Variants in CNEP1R1 observed in about 807,000 individuals in gnomAD.
CNEP1R1 encodes nuclear envelope phosphatase-regulatory subunit 1.
A neutral mutation model predicts 22.7 loss-of-function variants in CNEP1R1; 10 were observed. The ratio of observed to expected loss-of-function variants is 0.44; its 90% confidence interval spans 0.27 to 0.75. CNEP1R1 has a LOEUF of 0.75. Ranked by LOEUF, CNEP1R1 falls within the 30% of genes least tolerant of loss-of-function variation. CNEP1R1 has a pLI of 0.17. For synonymous variants in CNEP1R1, 53 were observed against 50.1 expected (o/e 1.06, Z -0.25); for missense variants, 73 against 151.5 (o/e 0.48, Z 2.72).
At chr16:50,029,578 A>G in intron 2 of CNEP1R1, 147 bp from the exon 3 acceptor site, 1 of 491,588 alleles carries the variant, frequency 2.0e-6, no homozygotes, top group Non-Finnish European at 3.7e-6. Context: ...CCAGATGGCA[A>G]GCCTTCTAAT....
At chr16:50,031,976 C>T (rs2036234762) in intron 3 of CNEP1R1, among the ~76,000 whole-genome samples, 1 of 152,222 alleles carries the variant, frequency 6.6e-6, no homozygotes, top group Non-Finnish European at 1.5e-5. Flanking sequence ...TGAGAAACTC[C>T]TCGGAGGTTT....
intron 3 of CNEP1R1, among the ~76,000 whole-genome samples, chr16:50,031,938 G>A (rs1407218237): frequency 1.3e-5 from 2 of 152,200 alleles, no homozygotes; most frequent in Admixed American, 6.5e-5. Context: ...CTAACCTGGT[G>A]CAGGCCACAC....
chr16:50,034,254 CTG>C lies in CNEP1R1; in HGVS notation c.336+101_336+102del. On this transcript the variant is annotated intron_variant, in intron 5 of 5. Coordinates refer to ENST00000427478, the MANE Select transcript of CNEP1R1 (RefSeq NM_001281789.2). ...ACATTTTATTAGCAATAAATTTTCT[CTG>C]TGGAATGAATAGTGAGAATATACTT... 4.1e-6 allele frequency: 3 copies of C among 737,996 alleles called. No homozygotes were observed. In the South Asian group the frequency reaches 4.5e-5, roughly 11 times the overall value. 45.7% of individuals were successfully genotyped at this position (737,996 alleles called of 1,614,324 possible).
intron 3 of CNEP1R1, among the ~76,000 whole-genome samples, chr16:50,031,700 A>G (rs993253407): frequency 6.6e-6 from 1 of 152,104 alleles, no homozygotes; most frequent in Admixed American, 6.6e-5. Context: ...ATAACCCCAA[A>G]CCTGACAGGA....
At chr16:50,033,843 G>A (rs2036252207) in intron 4 of CNEP1R1, among the ~76,000 whole-genome samples, 2 of 143,038 alleles carry the variant, frequency 1.4e-5, no homozygotes, top group South Asian at 4.6e-4. Flanking sequence ...CAGCCTGGGC[G>A]ACAGAGCAAG....
intron 3 of CNEP1R1, among the ~76,000 whole-genome samples, chr16:50,033,152 A>G (rs943550823): frequency 1.3e-5 from 2 of 152,186 alleles, no homozygotes; most frequent in African/African-American, 4.8e-5. Flanking sequence ...TGAATTTGTA[A>G]TAGTTCAAGT....
intron 3 of CNEP1R1, among the ~76,000 whole-genome samples, chr16:50,033,180 G>A (rs2036246074): frequency 6.6e-6 from 1 of 151,982 alleles, no homozygotes; most frequent in African/African-American, 2.4e-5. Flanking sequence ...ATGAATGGAG[G>A]GAATACTGCT....
chr16:50,025,912 C>A (rs575996510), intron 1 of CNEP1R1: 2 of 563,136 alleles, frequency 3.6e-6, no homozygotes, highest in Non-Finnish European at 6.3e-6. Flanking sequence ...TCTAGTAAGG[C>A]CAGACGGCGT....
intron 3 of CNEP1R1, among the ~76,000 whole-genome samples, chr16:50,031,866 TGGAG>T (rs1234243765): frequency 6.6e-6 from 1 of 152,082 alleles, no homozygotes; most frequent in Non-Finnish European, 1.5e-5. Context: ...AGTGTTGCCA[TGGAG>T]GGAGGAAGGC....
intron 1 of CNEP1R1, chr16:50,025,621 C>T (rs1567409436): frequency 6.2e-7 from 1 of 1,603,646 alleles, no homozygotes; most frequent in South Asian, 1.1e-5. Context: ...GCATTGCAGC[C>T]TGCTAATTCA....
At chr16:50,025,983 T>G (rs183903119) in intron 1 of CNEP1R1, among the ~76,000 whole-genome samples, 57 of 152,366 alleles carry the variant, frequency 3.7e-4, no homozygotes, top group Non-Finnish European at 6.3e-4. Context: ...CAGGTAGACC[T>G]CGAAGACTTT....
At chr16:50,027,793 G>GA (rs1325602585) in intron 2 of CNEP1R1, among the ~76,000 whole-genome samples, 1 of 151,950 alleles carries the variant, frequency 6.6e-6, no homozygotes, top group Non-Finnish European at 1.5e-5. Flanking sequence ...GTCTGACCTA[G>GA]AAAATTCACA....
At position 50,033,976 on chromosome 16, in the gene CNEP1R1, C is replaced by T. The variant is rs2036254041; in HGVS notation, c.282-126C>T. On this transcript the variant is annotated intron_variant, in intron 4 of 5. Transcript: ENST00000427478. The stretch of plus-strand genomic sequence containing the variant: ...TCGGATTAGCCAGGATGGTCTCGAT[C>T]TCCTGACCTTGTGATCCGACCGCCT... 9.0e-6 allele frequency: 6 copies of T among 664,764 alleles called. No individual in the cohort carries two copies. In the Middle Eastern group the frequency reaches 8.4e-4, roughly 93 times the overall value. The allele number at this position is 664,764 out of a possible 1,614,324, so 41.2% of individuals were successfully genotyped here.
At chr16:50,033,315 A>G (rs2036247200) in intron 3 of CNEP1R1, 82 bp from the exon 4 acceptor site, 2 of 581,226 alleles carry the variant, frequency 3.4e-6, no homozygotes, top group Non-Finnish European at 6.0e-6. Context: ...AATATTATAT[A>G]TATTTATGTA....
intron 5 of CNEP1R1, among the ~76,000 whole-genome samples, chr16:50,035,188 C>A (rs574233368): frequency 6.6e-6 from 1 of 151,650 alleles, no homozygotes; most frequent in Non-Finnish European, 1.5e-5. Context: ...ACCGTCTCTA[C>A]AAAAAATGAA....
At position 50,033,504 on chromosome 16, in the gene CNEP1R1, A is replaced by T. The variant is rs141333885; in HGVS notation, c.279A>T (p.Ser93=). The change falls in exon 4 of 6, where the codon TCA becomes TCT. Residue 93 remains serine, a splice_region_variant and synonymous_variant. Transcript: ENST00000427478. ...AGIHKRVVAP[S]IIAARCRTVL... Reference sequence around the variant, plus strand: ...TACACAAGAGAGTAGTTGCACCATCAATGTATCCTTTACCAAGGATTAAAT... The same window carrying T: ...TACACAAGAGAGTAGTTGCACCATCTATGTATCCTTTACCAAGGATTAAAT... The T allele has an allele frequency of 3.4e-6, 5 of 1,464,410 alleles. No homozygotes were observed. The East Asian group carries it at 1.1e-4, about 33-fold the overall frequency. 90.7% of individuals were successfully genotyped at this position (1,464,410 alleles called of 1,614,324 possible). A position where few individuals can be genotyped will look rare whatever the true frequency, so the allele number is the denominator to read the frequency against.
rs2036248905 is a variant in CNEP1R1, at chr16:50,033,493, GT to G, written c.270del (p.Ala91HisfsTer5). 1 of 1,537,668 alleles carries G rather than the reference GT, an allele frequency of 6.5e-7. No homozygotes were observed. Among genetic ancestry groups the G allele is most frequent in the Admixed American group, 1.7e-5 (1 of 59,226 alleles). ...LFFAGIHKRV[V>X]APSIIAARCR... ...CTTTGCTGGAATACACAAGAGAGTAGTTGCACCATCAATGTATCCTTTACCA... is the reference window on the plus strand; with the variant it reads ...CTTTGCTGGAATACACAAGAGAGTAGTGCACCATCAATGTATCCTTTACCA... On this transcript the variant is annotated frameshift_variant, in exon 4 of 6. Transcript: ENST00000427478. LOFTEE classifies it high-confidence loss of function.
intron 1 of CNEP1R1, 50 bp downstream of exon 1, chr16:50,025,390 G>A (rs2036170710): frequency 7.0e-7 from 1 of 1,422,302 alleles, no homozygotes; most frequent in Non-Finnish European, 9.2e-7. Context: ...GGAAGCTGGC[G>A]GTGCTCCGGA....
chr16:50,025,293 G>A lies in CNEP1R1; in HGVS notation c.-23G>A, dbSNP rs374340939. On this transcript the variant is annotated 5_prime_UTR_variant, in exon 1 of 6. Transcript: ENST00000427478. ...GCTGCGATGCGGACAGGGCAGCGGC[G>A]GTGACCCGAGCTGCCGCCCGACATG... 670 of 1,427,574 alleles carry A rather than the reference G, an allele frequency of 4.7e-4. 2 individuals are homozygous for A. The African/African-American group carries it at 8.3e-3, about 18-fold the overall frequency. 88.4% of individuals were successfully genotyped at this position (1,427,574 alleles called of 1,614,324 possible).
Sources: gnomAD v4.1 joint callset for allele counts (sites outside exome capture counted in the v4.1 genomes callset) on GRCh38, gnomAD v4.1.1 for gene constraint, MANE v1.5 for transcripts, NCBI Gene and HGNC (gene_info 2026-07-23, HGNC 2026-07-21) for gene names.